The following UBA3 variants were observed in gnomAD, a reference collection of about 807,000 sequenced individuals.
UBA3 encodes ubiquitin like modifier activating enzyme 3.
In UBA3, 26 loss-of-function variants were observed where a neutral mutation model predicts 73.5. That is an observed-to-expected ratio of 0.35 (90% CI 0.26 to 0.49). The LOEUF is 0.49. Among genes scored for constraint, UBA3 ranks in the 20% least tolerant of loss-of-function variants. The probability of loss-of-function intolerance (pLI) is 0.98; values close to 1 mark genes in which losing one functional copy is unlikely to be tolerated. For missense variants in UBA3, 495 were observed against 555.6 expected, an observed-to-expected ratio of 0.89 and a Z score of 1.10; for synonymous variants, 217 against 191.2, an observed-to-expected ratio of 1.13 and a Z score of -1.11.
chr3:69,063,387 G>A, intron 8 of UBA3, 52 bp downstream of exon 8: 1 of 1,532,344 alleles, frequency 6.5e-7, no homozygotes, highest in East Asian at 2.3e-5. Context: ...TTGGGGATGT[G>A]AAGCACAGCA....
At chr3:69,065,056 C>T (rs73838909) in intron 6 of UBA3, among the ~76,000 whole-genome samples, 355 of 152,128 alleles carry the variant, frequency 2.3e-3, no homozygotes, top group African/African-American at 7.9e-3. Context: ...GCTAGGCAAG[C>T]AGGAGAACGA....
chr3:69,079,844 C>A, intron 2 of UBA3: 1 of 480,106 alleles, frequency 2.1e-6, no homozygotes, highest in Non-Finnish European at 3.6e-6. Flanking sequence ...GGTCCTTCCT[C>A]AAGACCTTTA....
At chr3:69,077,127 T>A (rs2092174804) in intron 3 of UBA3, among the ~76,000 whole-genome samples, 1 of 151,840 alleles carries the variant, frequency 6.6e-6, no homozygotes, top group Admixed American at 6.6e-5. Context: ...TTTTTATTTT[T>A]AATGCTTTCA....
rs772256891 is a variant in UBA3 at position 69,057,314 on chromosome 3, A to G, written c.911-5T>C. ...GAATGATTCTTTTTACTACCCCTGAAAAAACATATCAATTAAAATATGGTC... is the reference window on the plus strand; with the variant it reads ...GAATGATTCTTTTTACTACCCCTGAGAAAACATATCAATTAAAATATGGTC... On this transcript the variant is annotated splice_region_variant and splice_polypyrimidine_tract_variant and intron_variant, in intron 11 of 17. Coordinates refer to ENST00000361055, the MANE Select transcript of UBA3 (RefSeq NM_003968.4). The G allele has an allele frequency of 1.2e-6, 2 of 1,608,176 alleles. No individual in the cohort carries two copies. Among genetic ancestry groups the G allele is most frequent in the South Asian group, 1.1e-5 (1 of 89,694 alleles).
chr3:69,076,438 A>C (rs1303365926), intron 3 of UBA3: 1 of 152,376 alleles, frequency 6.6e-6, no homozygotes, highest in East Asian at 1.9e-4. Flanking sequence ...TGGGAGGCTG[A>C]GGCAGGAGAA....
chr3:69,058,398 A>G (rs2091995284), intron 11 of UBA3, among the ~76,000 whole-genome samples: 1 of 152,246 alleles, frequency 6.6e-6, no homozygotes, highest in Non-Finnish European at 1.5e-5. Flanking sequence ...TGTGTTCCCA[A>G]GACTCCAAGT....
At chr3:69,061,720 G>T (rs989443095) in intron 11 of UBA3, 94 bp downstream of exon 11, 5 of 714,326 alleles carry the variant, frequency 7.0e-6, no homozygotes, top group Non-Finnish European at 1.2e-5. Context: ...CAAGTGGATG[G>T]TACTGTCTAA....
intron 16 of UBA3, 30 bp downstream of exon 16, chr3:69,055,969 CT>C: frequency 6.3e-7 from 1 of 1,596,348 alleles, no homozygotes; most frequent in South Asian, 1.1e-5. Flanking sequence ...ATATAATTTT[CT>C]GAAAAAAATT....
intron 2 of UBA3, 187 bp downstream of exon 2, chr3:69,079,925 A>G (rs1159318768): frequency 1.8e-6 from 1 of 555,818 alleles, no homozygotes; most frequent in Non-Finnish European, 3.1e-6. Flanking sequence ...CGCACCGGGC[A>G]GATACCGGGA....
In UBA3 at chr3:69,056,697, T is replaced by C; in HGVS notation, c.1002-4A>G. ...ATTATTCAAGGGAATGTATGCACTG[T>C]AATGAAAAAATGTTCATCTTTATAT... On this transcript the variant is annotated splice_region_variant and splice_polypyrimidine_tract_variant and intron_variant, in intron 13 of 17. Coordinates refer to ENST00000361055, the MANE Select transcript of UBA3 (RefSeq NM_003968.4). 1.9e-6 allele frequency: 3 copies of C among 1,612,912 alleles called. No individual in the cohort carries two copies. The highest frequency in any genetic ancestry group is 2.5e-6 in the Non-Finnish European group (3 of 1,179,286).
At chr3:69,077,057 T>C (rs2092173658) in intron 3 of UBA3, among the ~76,000 whole-genome samples, 1 of 151,078 alleles carries the variant, frequency 6.6e-6, no homozygotes, top group Non-Finnish European at 1.5e-5. Context: ...CACAAGAAAA[T>C]ATGGTGTGTT....
rs551035150 is a variant in UBA3, at chr3:69,079,579, A to T, written c.62+533T>A. ...ATAGGGTGTGTAGTAAAAGGGATAA[A>T]TAGGCTGTTTGAAGTCAACAACCTC... On this transcript the variant is annotated intron_variant, in intron 2 of 17. Transcript: ENST00000361055. 3.5e-4 allele frequency among the ~76,000 whole-genome samples: 53 copies of T among 152,376 alleles called. No homozygotes were observed. In the Middle Eastern group the frequency reaches 0.01, roughly 29 times the overall value.
chr3:69,072,739 T>C (rs188007535), intron 4 of UBA3, among the ~76,000 whole-genome samples: 28 of 152,314 alleles, frequency 1.8e-4, no homozygotes, highest in African/African-American at 6.5e-4. Flanking sequence ...CTTAACAGTT[T>C]CCAAAACCAA....
chr3:69,066,179 T>C lies in UBA3; in HGVS notation c.428+1749A>G, dbSNP rs569153600. ...AAAAATTATTTTAATTTTTTAGAGA[T>C]GATGTCTCACTACATTGCCCAGGCT... On this transcript the variant is annotated intron_variant, in intron 6 of 17. Coordinates refer to ENST00000361055, the MANE Select transcript of UBA3 (RefSeq NM_003968.4). Among the ~76,000 whole-genome samples the C allele has an allele frequency of 3.9e-5, 6 of 152,282 alleles. No homozygotes were observed. In the South Asian group the frequency reaches 1.2e-3, roughly 32 times the overall value.
In UBA3 at chr3:69,068,128, A is replaced by G. The variant is rs73838912; in HGVS notation, c.348-120T>C. The stretch of plus-strand genomic sequence containing the variant: ...TACTTATAGGAAATTTAGAAGGAAT[A>G]TTTTTGCCTAAGTATTTTGATTTCA... On this transcript the variant is annotated intron_variant, in intron 5 of 17. Coordinates refer to ENST00000361055, the MANE Select transcript of UBA3 (RefSeq NM_003968.4). 264 of 654,878 alleles carry G rather than the reference A, an allele frequency of 4.0e-4. 2 individuals are homozygous for G. Among genetic ancestry groups the G allele is most frequent in the African/African-American group, 2.1e-3 (109 of 52,312 alleles). 40.6% of individuals were successfully genotyped at this position (654,878 alleles called of 1,614,324 possible).
chr3:69,059,756 C>T (rs2092006773), intron 11 of UBA3, among the ~76,000 whole-genome samples: 2 of 151,832 alleles, frequency 1.3e-5, no homozygotes, highest in Non-Finnish European at 1.5e-5. Flanking sequence ...GGCAGATTTT[C>T]AAAAAGAAGA....
chr3:69,069,436 T>C (rs1575841638), intron 5 of UBA3, among the ~76,000 whole-genome samples: 1 of 152,252 alleles, frequency 6.6e-6, no homozygotes, highest in East Asian at 1.9e-4. Flanking sequence ...CAAACAATTC[T>C]CCTGTCTCAG....
chr3:69,063,107 A>T lies in UBA3; in HGVS notation c.568T>A (p.Leu190Ile), dbSNP rs765915766. 1.2e-6 allele frequency: 2 copies of T among 1,614,070 alleles called. No homozygotes were observed. The highest frequency in any genetic ancestry group is 2.2e-5 in the South Asian group (2 of 91,076). Residue 190 changes from leucine to isoleucine, a missense_variant, in exon 9 of 18, where the codon TTA becomes ATA. Coordinates refer to ENST00000361055, the MANE Select transcript of UBA3 (RefSeq NM_003968.4). ...ISLLNYEDGV[L>I]DPSSIVPLID... ...AAAGGGACAATGGAGCTTGGATCTA[A>T]GACACCATCTTCATAATTTAGAAGA...
At chr3:69,068,233 A>C (rs1266507912) in intron 5 of UBA3, among the ~76,000 whole-genome samples, 1 of 152,222 alleles carries the variant, frequency 6.6e-6, no homozygotes, top group African/African-American at 2.4e-5. Context: ...AGTCTAATTA[A>C]GTATTGCTTT....
Sources: gnomAD v4.1 joint callset for allele counts (sites outside exome capture counted in the v4.1 genomes callset) on GRCh38, gnomAD v4.1.1 for gene constraint, MANE v1.5 for transcripts, NCBI Gene and HGNC (gene_info 2026-07-23, HGNC 2026-07-21) for gene names.